SLC25A26: variants seen among roughly 807,000 people sequenced by gnomAD.
The protein encoded by SLC25A26 is solute carrier family 25 member 26.
A neutral mutation model predicts 37.8 loss-of-function variants in SLC25A26; 36 were observed. The observed-to-expected ratio is 0.95, with a 90% confidence interval of 0.73 to 1.26. The LOEUF is 1.26. SLC25A26 is among the 50% of genes most tolerant of loss of function. SLC25A26 has a pLI of 0.00. For missense variants in SLC25A26, 390 were observed against 331.1 expected (o/e 1.18, Z -1.38); for synonymous variants, 129 against 122.5 (o/e 1.05, Z -0.35).
At chr3:66,188,873 C>T (rs1474303605) in intron 1 of SLC25A26, among the ~76,000 whole-genome samples, 1 of 151,958 alleles carries the variant, frequency 6.6e-6, no homozygotes, top group East Asian at 1.9e-4. Flanking sequence ...GAACCTGATG[C>T]CCTAGCCTTG....
At chr3:66,371,561 T>G (rs1575622200) in intron 9 of SLC25A26, 1 of 1,098,508 alleles carries the variant, frequency 9.1e-7, no homozygotes, top group Non-Finnish European at 1.2e-6. Context: ...GTGTGAAGGG[T>G]GTCACGGTTT....
At chr3:66,162,851 C>A (rs575365801) in intron 1 of SLC25A26, among the ~76,000 whole-genome samples, 6 of 152,318 alleles carry the variant, frequency 3.9e-5, no homozygotes, top group African/African-American at 1.4e-4. Flanking sequence ...TGTATAGATG[C>A]TCCCATTTCA....
At chr3:66,171,639 A>T (rs2070501354) in intron 1 of SLC25A26, among the ~76,000 whole-genome samples, 1 of 152,086 alleles carries the variant, frequency 6.6e-6, no homozygotes, top group Admixed American at 6.6e-5. Flanking sequence ...ACAGGCACAC[A>T]TCACCATGCC....
At chr3:66,209,040 GTA>G (rs1172568131) in intron 1 of SLC25A26, among the ~76,000 whole-genome samples, 354 of 33,462 alleles carry the variant, frequency 0.011, 1 homozygote, top group African/African-American at 0.031. Flanking sequence ...ATATAAAGGT[GTA>G]TATATATATA....
In SLC25A26 at chr3:66,318,661, T is replaced by A. The variant is rs530631031; in HGVS notation, c.454-27703T>A. On this transcript the variant is annotated intron_variant, in intron 5 of 9. Transcript: ENST00000354883. ...TGACTTTTATTTATTAAAAAAAAAA[T>A]TTTTTTTTGTTTTTTTTGAGACAGG... Among the ~76,000 whole-genome samples, 35 of 145,064 alleles carry A rather than the reference T, an allele frequency of 2.4e-4. 1 individual carries two copies. The highest frequency in any genetic ancestry group is 4.4e-4 in the South Asian group (2 of 4,532).
Position 66,147,156 on chromosome 3 carries a change from C to CATTTCTT in SLC25A26, c.-354+13172_-354+13173insATTTCTT, listed in dbSNP as rs2070131103. On this transcript the variant is annotated intron_variant, in intron 1 of 10. Coordinates refer to the SLC25A26 transcript ENST00000676754. ...CCCCTGCCCTCCCCGTCCCTCTTTT[C>CATTTCTT]TTTTCTTTTCTCTTTTCTTTTTTTC... Among the ~76,000 whole-genome samples the CATTTCTT allele has an allele frequency of 3.8e-5, 4 of 106,364 alleles. No individual in the cohort carries two copies. The South Asian group carries it at 1.6e-3, about 43-fold the overall frequency. The allele number at this position is 106,364 out of a possible 152,430, so 69.8% of individuals were successfully genotyped here.
intron 1 of SLC25A26, among the ~76,000 whole-genome samples, chr3:66,224,391 CAA>C (rs2106898999): frequency 6.6e-6 from 1 of 152,266 alleles, no homozygotes; most frequent in South Asian, 2.1e-4. Flanking sequence ...TAGTGGCAGA[CAA>C]GAGAGCATGT....
At chr3:66,297,063 G>T (rs921036102) in intron 5 of SLC25A26, among the ~76,000 whole-genome samples, 3 of 152,286 alleles carry the variant, frequency 2.0e-5, no homozygotes, top group African/African-American at 4.8e-5. Flanking sequence ...GGTGGCTCAC[G>T]CCTGTAATCC....
chr3:66,150,603 GATATATATAT>G (rs1169750069), intron 1 of SLC25A26, among the ~76,000 whole-genome samples: 437 of 26,012 alleles, frequency 0.017, 6 homozygotes, highest in African/African-American at 0.021. Context: ...TATGTAATGA[GATATATATAT>G]ATATATATAT....
In SLC25A26 at chr3:66,243,189, G is replaced by A; in HGVS notation, c.191-14G>A. The A allele has an allele frequency of 7.0e-7, 1 of 1,437,368 alleles. No homozygotes were observed. The highest frequency in any genetic ancestry group is 1.7e-5 in the Admixed American group (1 of 57,310). 89.0% of individuals were successfully genotyped at this position (1,437,368 alleles called of 1,614,324 possible). ...TTTAAACTTTGTGAAAGACTGGCTT[G>A]TTTTAAATTTCAGCTGCTGCATTTT... On this transcript the variant is annotated splice_polypyrimidine_tract_variant and intron_variant, in intron 2 of 9. Transcript: ENST00000354883.
rs1049866480 is a variant in SLC25A26, at chr3:66,243,377, A to G, written c.300+65A>G. The G allele has an allele frequency of 6.7e-6, 5 of 751,594 alleles. No individual in the cohort carries two copies. The African/African-American group carries it at 7.1e-5, about 11-fold the overall frequency. The allele number at this position is 751,594 out of a possible 1,614,324, so 46.6% of individuals were successfully genotyped here. The stretch of plus-strand genomic sequence containing the variant: ...CACATCATGCATATATTTTCAGTAC[A>G]TATTTATTTCATTTTTTAAAAATTA... On this transcript the variant is annotated intron_variant, in intron 3 of 9. Coordinates refer to ENST00000354883, the MANE Select transcript of SLC25A26 (RefSeq NM_001379210.1).
chr3:66,309,009 GTC>G (rs2075303996), intron 5 of SLC25A26, among the ~76,000 whole-genome samples: 1 of 152,226 alleles, frequency 6.6e-6, no homozygotes, highest in Admixed American at 6.5e-5. Flanking sequence ...TTTTTGTTGT[GTC>G]TCTGTCAGGT....
intron 1 of SLC25A26, among the ~76,000 whole-genome samples, chr3:66,156,374 G>A (rs1354744248): frequency 6.6e-6 from 1 of 152,132 alleles, no homozygotes; most frequent in East Asian, 1.9e-4. Context: ...ACAAGTATAT[G>A]AGCAACAGAG....
chr3:66,208,793 T>C (rs2071219093), intron 1 of SLC25A26, among the ~76,000 whole-genome samples: 1 of 103,376 alleles, frequency 9.7e-6, no homozygotes, highest in Non-Finnish European at 2.1e-5. Flanking sequence ...GGTATATATA[T>C]ACACACCTTT....
At chr3:66,292,412 G>A (rs982234246) in intron 5 of SLC25A26, among the ~76,000 whole-genome samples, 1 of 152,096 alleles carries the variant, frequency 6.6e-6, no homozygotes, top group South Asian at 2.1e-4. Flanking sequence ...TTACAATTTG[G>A]TATGTTTTTG....
At chr3:66,181,075 C>T (rs375494748) in intron 1 of SLC25A26, among the ~76,000 whole-genome samples, 107 of 152,318 alleles carry the variant, frequency 7.0e-4, no homozygotes, top group African/African-American at 2.4e-3. Context: ...CTTGGACTTG[C>T]AGCCTTCAGT....
intron 5 of SLC25A26, among the ~76,000 whole-genome samples, chr3:66,322,883 G>A (rs920075254): frequency 2.0e-5 from 3 of 151,804 alleles, no homozygotes; most frequent in African/African-American, 7.2e-5. Flanking sequence ...TATATTTATA[G>A]TTAGGTTTTG....
At chr3:66,245,640 T>C (rs2072799202) in intron 3 of SLC25A26, among the ~76,000 whole-genome samples, 1 of 152,240 alleles carries the variant, frequency 6.6e-6, no homozygotes, top group Admixed American at 6.5e-5. Flanking sequence ...TATTGTGAAT[T>C]TGTTTTTGAT....
intron 5 of SLC25A26, among the ~76,000 whole-genome samples, chr3:66,280,036 ATAAT>A (rs1166194183): frequency 7.2e-5 from 11 of 152,208 alleles, no homozygotes; most frequent in Admixed American, 7.2e-4. Flanking sequence ...AGATCTTGTG[ATAAT>A]TAGACTCTGC....
Sources: allele counts gnomAD v4.1 joint callset (sites outside exome capture counted in the v4.1 genomes callset), GRCh38; gene constraint gnomAD v4.1.1; transcripts MANE v1.5; gene names NCBI Gene and HGNC (gene_info 2026-07-23, HGNC 2026-07-21).